The following COL26A1 variants were observed in gnomAD, a reference collection of about 807,000 sequenced individuals.
COL26A1 encodes collagen alpha-1(XXVI) chain.
A neutral mutation model predicts 59.3 loss-of-function variants in COL26A1; 41 were observed. That is an observed-to-expected ratio of 0.69 (90% CI 0.54 to 0.90). The LOEUF is 0.90. Among genes scored for constraint, COL26A1 ranks in the 40% least tolerant of loss-of-function variants. The pLI is 0.00. For missense variants in COL26A1, 612 were observed against 602.3 expected, an observed-to-expected ratio of 1.02 and a Z score of -0.17; for synonymous variants, 266 against 256.0, an observed-to-expected ratio of 1.04 and a Z score of -0.37.
At chr7:101,543,937 TG>T in intron 5 of COL26A1, 60 bp from the exon 6 acceptor site, 1 of 1,274,878 alleles carries the variant, frequency 7.8e-7, no homozygotes, top group Non-Finnish European at 1.1e-6. Flanking sequence ...GGGCCAGGCC[TG>T]GAGCCACTGG....
chr7:101,364,208 C>T (rs1562948579), intron 1 of COL26A1, among the ~76,000 whole-genome samples: 1 of 149,600 alleles, frequency 6.7e-6, no homozygotes, highest in Non-Finnish European at 1.5e-5. Flanking sequence ...GTAAAAGTTG[C>T]CAAACGCCTC....
intron 3 of COL26A1, among the ~76,000 whole-genome samples, chr7:101,497,108 T>C (rs751195637): frequency 1.6e-4 from 23 of 148,184 alleles, no homozygotes; most frequent in Non-Finnish European, 3.0e-4. Flanking sequence ...TGCAGTGGTG[T>C]GTGCCTGTAG....
At chr7:101,419,874 C>T in intron 1 of COL26A1, 103 bp from the exon 2 acceptor site, 1 of 1,287,018 alleles carries the variant, frequency 7.8e-7, no homozygotes, top group Non-Finnish European at 1.1e-6. Flanking sequence ...GAGCCTCCAC[C>T]CCAGGTTTGC....
At chr7:101,465,764 T>G (rs192874743) in intron 3 of COL26A1, among the ~76,000 whole-genome samples, 58 of 148,694 alleles carry the variant, frequency 3.9e-4, no homozygotes, top group African/African-American at 1.3e-3. Flanking sequence ...GGCAGTGATA[T>G]AAGACATCAG....
chr7:101,430,463 A>AT lies in COL26A1; in HGVS notation c.281+10375dup, dbSNP rs1290778514. On this transcript the variant is annotated intron_variant, in intron 2 of 12. Transcript: ENST00000313669. ...AGCACTGCACCCAGCTAATTTTTGT[A>AT]TTTTTTTTTTTAGAGACGGGTTTCA... 1.5e-3 allele frequency among the ~76,000 whole-genome samples: 211 copies of AT among 142,326 alleles called. 1 individual carries two copies. Among genetic ancestry groups the AT allele is most frequent in the African/African-American group, 4.4e-3 (172 of 38,924 alleles). 93.4% of individuals were successfully genotyped at this position (142,326 alleles called of 152,430 possible).
At chr7:101,532,998 T>G (rs1795401103) in intron 3 of COL26A1, 84 bp from the exon 4 acceptor site, 2 of 1,019,048 alleles carry the variant, frequency 2.0e-6, no homozygotes, top group African/African-American at 3.2e-5. Flanking sequence ...CTTGCCTGCC[T>G]GCCCAGAGGC....
intron 2 of COL26A1, among the ~76,000 whole-genome samples, chr7:101,425,051 T>C (rs1016759523): frequency 1.3e-5 from 2 of 151,884 alleles, no homozygotes; most frequent in African/African-American, 4.8e-5. Context: ...GCCTCCTGAG[T>C]AGCTGGGACT....
chr7:101,486,920 G>A (rs1243762773), intron 3 of COL26A1, among the ~76,000 whole-genome samples: 2 of 152,220 alleles, frequency 1.3e-5, no homozygotes, highest in African/African-American at 4.8e-5. Flanking sequence ...GTGGCCCTGT[G>A]TTTGCCCCCA....
intron 3 of COL26A1, among the ~76,000 whole-genome samples, chr7:101,500,807 C>T (rs1445240717): frequency 2.0e-5 from 3 of 151,810 alleles, no homozygotes; most frequent in South Asian, 2.1e-4. Context: ...GGCAACAGAG[C>T]GAGACGCTGT....
At chr7:101,431,341 C>T (rs2130318599) in intron 2 of COL26A1, among the ~76,000 whole-genome samples, 1 of 152,274 alleles carries the variant, frequency 6.6e-6, no homozygotes, top group South Asian at 2.1e-4. Flanking sequence ...CAGCCTGCAG[C>T]CTCGACCTCC....
intron 1 of COL26A1, among the ~76,000 whole-genome samples, chr7:101,401,887 G>C (rs924017147): frequency 6.6e-6 from 1 of 152,232 alleles, no homozygotes; most frequent in East Asian, 1.9e-4. Context: ...GGATCTGGTG[G>C]TGTCGAAGCC....
intron 2 of COL26A1, among the ~76,000 whole-genome samples, chr7:101,442,283 G>C (rs1428640417): frequency 6.6e-6 from 1 of 151,990 alleles, no homozygotes; most frequent in Admixed American, 6.6e-5. Context: ...TGGCAGATCT[G>C]CGGCAGCAAG....
intron 2 of COL26A1, among the ~76,000 whole-genome samples, chr7:101,441,060 C>T (rs576981396): frequency 5.3e-5 from 8 of 151,992 alleles, no homozygotes; most frequent in Admixed American, 2.0e-4. Flanking sequence ...ATCAGGGGCC[C>T]GAGATCAGTC....
intron 3 of COL26A1, among the ~76,000 whole-genome samples, chr7:101,467,448 T>C (rs1793790850): frequency 6.6e-6 from 1 of 151,302 alleles, no homozygotes; most frequent in Admixed American, 6.6e-5. Flanking sequence ...TCAGACCAGG[T>C]GTGACGTTTG....
chr7:101,538,035 C>T (rs930775994), intron 4 of COL26A1, among the ~76,000 whole-genome samples: 1 of 152,042 alleles, frequency 6.6e-6, no homozygotes, highest in Admixed American at 6.6e-5. Flanking sequence ...AAAGGGGAGA[C>T]ACACTCCAAC....
At chr7:101,549,939 C>T (rs1368119438) in intron 9 of COL26A1, among the ~76,000 whole-genome samples, 1 of 152,158 alleles carries the variant, frequency 6.6e-6, no homozygotes, top group Non-Finnish European at 1.5e-5. Context: ...CCCCTAACCC[C>T]AGGTTCGCCC....
chr7:101,443,613 C>A (rs1793113440), intron 2 of COL26A1, among the ~76,000 whole-genome samples: 3 of 152,162 alleles, frequency 2.0e-5, no homozygotes, highest in Non-Finnish European at 1.5e-5. Context: ...CTTGATCAAG[C>A]AGCAGTTATG....
At chr7:101,511,567 C>A (rs1038197046) in intron 3 of COL26A1, among the ~76,000 whole-genome samples, 3 of 152,216 alleles carry the variant, frequency 2.0e-5, no homozygotes, top group Admixed American at 6.5e-5. Flanking sequence ...TGGTAGTCAC[C>A]AAGCGCCACA....
intron 1 of COL26A1, among the ~76,000 whole-genome samples, chr7:101,373,519 A>G (rs1791240400): frequency 9.1e-6 from 1 of 109,474 alleles, no homozygotes; most frequent in East Asian, 3.0e-4. Context: ...GAGTGAATGA[A>G]TGAACACATG....
Sources: allele counts gnomAD v4.1 joint callset (sites outside exome capture counted in the v4.1 genomes callset), GRCh38; gene constraint gnomAD v4.1.1; transcripts MANE v1.5; gene names NCBI Gene and HGNC (gene_info 2026-07-23, HGNC 2026-07-21).